WDFY4: variants seen among roughly 807,000 people sequenced by gnomAD.
The protein encoded by WDFY4 is WD repeat- and FYVE domain-containing protein 4.
A neutral mutation model predicts 351.9 loss-of-function variants in WDFY4; 169 were observed. The ratio of observed to expected loss-of-function variants is 0.48; its 90% confidence interval spans 0.42 to 0.55. WDFY4 has a LOEUF of 0.55. Among genes scored for constraint, WDFY4 ranks in the 20% least tolerant of loss-of-function variants. WDFY4 has a pLI of 0.00. For missense variants in WDFY4, 3,803 were observed against 3,935.6 expected, an observed-to-expected ratio of 0.97 and a Z score of 0.90; for synonymous variants, 1,622 against 1,574.6, an observed-to-expected ratio of 1.03 and a Z score of -0.71.
chr10:48,732,776 C>A (rs1443836370), intron 9 of WDFY4, among the ~76,000 whole-genome samples: 2 of 152,174 alleles, frequency 1.3e-5, no homozygotes, highest in African/African-American at 4.8e-5. Flanking sequence ...TCGCCTTGTC[C>A]CTATAGTTCC....
intron 1 of WDFY4, among the ~76,000 whole-genome samples, chr10:48,703,648 A>T (rs960332153): frequency 2.6e-5 from 4 of 152,144 alleles, no homozygotes; most frequent in Non-Finnish European, 5.9e-5. Flanking sequence ...CTTAGCTCCA[A>T]GGGCGCTGCT....
chr10:48,737,521 G>T (rs1213013039), intron 11 of WDFY4, among the ~76,000 whole-genome samples: 1 of 152,148 alleles, frequency 6.6e-6, no homozygotes, highest in African/African-American at 2.4e-5. Flanking sequence ...ACATTGATGT[G>T]AGCTGTTCCA....
intron 52 of WDFY4, 62 bp downstream of exon 52, chr10:48,957,344 C>T (rs1313221178): frequency 3.9e-6 from 6 of 1,526,116 alleles, no homozygotes; most frequent in Non-Finnish European, 1.8e-6. Flanking sequence ...CCCACAGCCC[C>T]TGGGTGATGA....
rs151285783 is a variant in WDFY4 at position 48,818,123 on chromosome 10, G to C, written c.5505+714G>C. Among the ~76,000 whole-genome samples, 757 of 152,352 alleles carry C rather than the reference G, an allele frequency of 5.0e-3. 1 individual carries two copies. Among genetic ancestry groups the C allele is most frequent in the African/African-American group, 0.018 (733 of 41,570 alleles). On this transcript the variant is annotated intron_variant, in intron 32 of 61. Transcript: ENST00000325239. Reference sequence around the variant, plus strand: ...AGAAGAAGGTCAGGTATGGAAGAAGGAAGGGCAGAAATTCACACAACCACC... The same window carrying C: ...AGAAGAAGGTCAGGTATGGAAGAAGCAAGGGCAGAAATTCACACAACCACC...
intron 11 of WDFY4, 46 bp from the exon 12 acceptor site, chr10:48,742,922 A>G: frequency 6.7e-7 from 1 of 1,492,306 alleles, no homozygotes; most frequent in Non-Finnish European, 9.0e-7. Context: ...CTCAGGGTTA[A>G]TCTACCTCCT....
chr10:48,714,072 G>A (rs554297750), intron 2 of WDFY4, among the ~76,000 whole-genome samples: 1 of 152,328 alleles, frequency 6.6e-6, no homozygotes, highest in Admixed American at 6.5e-5. Context: ...TGTGATGTAG[G>A]TAGTATTTTT....
intron 13 of WDFY4, among the ~76,000 whole-genome samples, chr10:48,765,727 A>G (rs993777028): frequency 1.3e-5 from 2 of 152,050 alleles, no homozygotes; most frequent in East Asian, 3.9e-4. Context: ...TACCTTTCTC[A>G]TAGGGAAGTG....
At chr10:48,822,691 C>T (rs947438169) in intron 35 of WDFY4, among the ~76,000 whole-genome samples, 154 bp downstream of exon 35, 2 of 152,188 alleles carry the variant, frequency 1.3e-5, no homozygotes. Flanking sequence ...CCAGGTAATA[C>T]CTGGAGGCTA....
intron 39 of WDFY4, among the ~76,000 whole-genome samples, chr10:48,847,527 C>A (rs944743541): frequency 6.6e-6 from 1 of 152,066 alleles, no homozygotes; most frequent in African/African-American, 2.4e-5. Context: ...TAATCCCTAA[C>A]CTTCTTGCCC....
At chr10:48,933,879 A>G (rs191565679) in intron 47 of WDFY4, among the ~76,000 whole-genome samples, 3 of 152,222 alleles carry the variant, frequency 2.0e-5, no homozygotes, top group Admixed American at 1.3e-4. Context: ...AAAGGGCCTG[A>G]CATCACCCTT....
intron 54 of WDFY4, among the ~76,000 whole-genome samples, chr10:48,965,015 G>A (rs1369627476): frequency 1.3e-5 from 2 of 152,328 alleles, no homozygotes; most frequent in African/African-American, 4.8e-5. Flanking sequence ...GAGATTGGAT[G>A]GCACATCCAG....
intron 45 of WDFY4, among the ~76,000 whole-genome samples, chr10:48,897,857 C>T (rs1837163851): frequency 6.6e-6 from 1 of 152,232 alleles, no homozygotes; most frequent in Admixed American, 6.5e-5. Context: ...GCTCTTGACA[C>T]AGCCCAGAGC....
At chr10:48,864,478 C>T (rs2069468427) in intron 39 of WDFY4, among the ~76,000 whole-genome samples, 1 of 152,094 alleles carries the variant, frequency 6.6e-6, no homozygotes, top group African/African-American at 2.4e-5. Flanking sequence ...GCCTTGTTTG[C>T]CATTGCTTTA....
rs954459900 is a variant in WDFY4 at position 48,943,795 on chromosome 10, A to G, written c.7749+346A>G. ...ATTTTAGTAGAGAGGGGGTTTCACC[A>G]TGTTGGCCAGGCTGGTCTCGAACTC... On this transcript the variant is annotated intron_variant, in intron 49 of 61. Transcript: ENST00000325239. 7.9e-5 allele frequency among the ~76,000 whole-genome samples: 12 copies of G among 152,100 alleles called. 1 individual carries two copies. Among genetic ancestry groups the G allele is most frequent in the Non-Finnish European group, 2.9e-5 (2 of 68,008 alleles).
chr10:48,935,375 C>T (rs574887903), intron 47 of WDFY4, among the ~76,000 whole-genome samples: 44 of 152,332 alleles, frequency 2.9e-4, no homozygotes, highest in African/African-American at 9.1e-4. Flanking sequence ...CCAGGGCTCA[C>T]CCCCTGTGAT....
At chr10:48,941,735 GC>G in intron 47 of WDFY4, 70 bp from the exon 48 acceptor site, 1 of 1,515,374 alleles carries the variant, frequency 6.6e-7, no homozygotes, top group Non-Finnish European at 9.0e-7. Context: ...GCCCAGGCAA[GC>G]CCCACCTCTC....
chr10:48,807,746 C>A, intron 27 of WDFY4, 113 bp from the exon 28 acceptor site: 1 of 1,222,616 alleles, frequency 8.2e-7, no homozygotes, highest in Non-Finnish European at 1.1e-6. Flanking sequence ...TGAGTCCCAG[C>A]CATGCCACAA....
intron 24 of WDFY4, among the ~76,000 whole-genome samples, chr10:48,801,159 A>G (rs1287223983): frequency 1.3e-5 from 2 of 152,244 alleles, no homozygotes; most frequent in Admixed American, 1.3e-4. Flanking sequence ...CAGACATCTT[A>G]ATATAGTCCT....
intron 31 of WDFY4, among the ~76,000 whole-genome samples, chr10:48,816,132 T>A (rs1318771188): frequency 1.3e-5 from 2 of 152,346 alleles, no homozygotes; most frequent in East Asian, 3.9e-4. Flanking sequence ...AATTTCCCAT[T>A]CATTTAATTT....
Sources: gnomAD v4.1 joint callset for allele counts (sites outside exome capture counted in the v4.1 genomes callset) on GRCh38, gnomAD v4.1.1 for gene constraint, MANE v1.5 for transcripts, NCBI Gene and HGNC (gene_info 2026-07-23, HGNC 2026-07-21) for gene names.